The following MTMR10 variants were observed in gnomAD, a reference collection of about 807,000 sequenced individuals.
The protein encoded by MTMR10 is myotubularin related protein 10.
In MTMR10, 56 loss-of-function variants were observed where a neutral mutation model predicts 88.1. The ratio of observed to expected loss-of-function variants is 0.64; its 90% CI spans 0.51 to 0.79. MTMR10 has a LOEUF of 0.79. Ranked by LOEUF, MTMR10 falls within the 30% of genes least tolerant of loss-of-function variation. The pLI is 0.00. For synonymous variants in MTMR10, 380 were observed against 340.9 expected, an observed-to-expected ratio of 1.11 and a Z score of -1.26; for missense variants, 883 against 924.7, an observed-to-expected ratio of 0.95 and a Z score of 0.58.
At chr15:30,953,868 T>C (rs2063284790) in intron 10 of MTMR10, among the ~76,000 whole-genome samples, 1 of 152,248 alleles carries the variant, frequency 6.6e-6, no homozygotes, top group Non-Finnish European at 1.5e-5. Context: ...AGGGAAATCT[T>C]GGAGTCCAAC....
chr15:30,925,984 C>A, the MTMR10 span: 236 of 1,600,650 alleles, frequency 1.5e-4, 3 homozygotes, highest in Non-Finnish European at 4.0e-5. Context: ...CCCGGGTGGA[C>A]GAGCAGCAGC....
At chr15:30,935,965 G>C (rs947054505), downstream of MTMR10, among the ~76,000 whole-genome samples, 4 of 151,646 alleles carry the variant, frequency 2.6e-5, no homozygotes, top group African/African-American at 9.7e-5. Flanking sequence ...TTCAATCTTT[G>C]GGTTTACTGT....
downstream of MTMR10, among the ~76,000 whole-genome samples, chr15:30,936,014 T>A (rs1164991537): frequency 6.6e-6 from 1 of 152,184 alleles, no homozygotes; most frequent in East Asian, 1.9e-4. Context: ...ATTTTTTCTT[T>A]AAGTATTTTT....
chr15:30,990,985 T>C, intron 1 of MTMR10, 148 bp from the exon 2 acceptor site: 3 of 685,592 alleles, frequency 4.4e-6, no homozygotes, highest in Non-Finnish European at 4.8e-6. Flanking sequence ...TGAGCTGTTT[T>C]TAAGATCTGC....
At position 30,940,091 on chromosome 15, in the gene MTMR10, C is replaced by G; in HGVS notation, c.*1379G>C. 1.0e-6 allele frequency: 1 copy of G among 984,494 alleles called. No homozygotes were observed. Among genetic ancestry groups the G allele is most frequent in the Non-Finnish European group, 1.2e-6 (1 of 829,080 alleles). The allele number at this position is 984,494 out of a possible 1,614,324, so 61.0% of individuals were successfully genotyped here. A position where few individuals can be genotyped will look rare whatever the true frequency, so the allele number is the denominator to read the frequency against. ...GAAAAGGAAATAAGCTAACTAGACA[C>G]TTTACTATAAAAATTTTCCATATCT... is the stretch of plus-strand genomic sequence containing the variant. On this transcript the variant is annotated 3_prime_UTR_variant, in exon 16 of 16. Transcript: ENST00000435680.
the MTMR10 span, among the ~76,000 whole-genome samples, chr15:30,919,789 T>G: frequency 6.6e-6 from 1 of 152,098 alleles, no homozygotes; most frequent in Non-Finnish European, 1.5e-5. Flanking sequence ...ATCCTTGTTG[T>G]CTTTACAGCA....
At position 30,941,233 on chromosome 15, in the gene MTMR10, T is replaced by C; in HGVS notation, c.*237A>G. On this transcript the variant is annotated 3_prime_UTR_variant, in exon 16 of 16. Transcript: ENST00000435680. ...GTAGCAGACAACATGAACAGTTTGATCACGGTTACAAGAGCCAGACCTGTA... is the reference window on the plus strand; with the variant it reads ...GTAGCAGACAACATGAACAGTTTGACCACGGTTACAAGAGCCAGACCTGTA... 1 of 1,422,640 alleles carries C rather than the reference T, an allele frequency of 7.0e-7. No individual in the cohort carries two copies. The highest frequency in any genetic ancestry group is 9.3e-7 in the Non-Finnish European group (1 of 1,075,960). The allele number at this position is 1,422,640 out of a possible 1,614,324, so 88.1% of individuals were successfully genotyped here. A position where few individuals can be genotyped will look rare whatever the true frequency, so the allele number is the denominator to read the frequency against.
At chr15:30,969,898 A>G (rs1194938885) in intron 5 of MTMR10, among the ~76,000 whole-genome samples, 1 of 152,068 alleles carries the variant, frequency 6.6e-6, no homozygotes, top group Non-Finnish European at 1.5e-5. Context: ...CTCTTAGCCA[A>G]CTATGCTTTC....
chr15:30,938,016 C>G (rs1004152293), downstream of MTMR10, among the ~76,000 whole-genome samples: 2 of 151,560 alleles, frequency 1.3e-5, no homozygotes, highest in African/African-American at 4.8e-5. Flanking sequence ...AAACCCATCT[C>G]TACTAAAAAT....
chr15:30,922,190 A>AT, the MTMR10 span: 5 of 1,590,722 alleles, frequency 3.1e-6, no homozygotes, highest in Admixed American at 1.9e-5. Context: ...TTGCAGCTGG[A>AT]TTTTTTGTGA....
the MTMR10 span, among the ~76,000 whole-genome samples, chr15:30,923,991 G>A: frequency 2.6e-5 from 4 of 152,062 alleles, no homozygotes; most frequent in East Asian, 1.9e-4. Context: ...AGGCAACTAC[G>A]CCCCGCTTTC....
chr15:30,950,188 A>C (rs2063224516), intron 12 of MTMR10: 1 of 152,218 alleles, frequency 6.6e-6, no homozygotes, highest in Non-Finnish European at 1.5e-5. Flanking sequence ...CAATACGATG[A>C]GAACACCCAC....
chr15:30,979,153 A>G (rs2030375156), intron 2 of MTMR10, among the ~76,000 whole-genome samples: 1 of 152,214 alleles, frequency 6.6e-6, no homozygotes, highest in Admixed American at 6.5e-5. Flanking sequence ...ATCATCACAT[A>G]CTGTGCCACC....
the MTMR10 span, among the ~76,000 whole-genome samples, chr15:30,932,844 C>G: frequency 6.6e-6 from 1 of 150,564 alleles, no homozygotes; most frequent in Admixed American, 6.6e-5. Flanking sequence ...TCCCTAGTAG[C>G]TGGGATTACA....
At chr15:30,929,778 AT>A in the MTMR10 span, among the ~76,000 whole-genome samples, 3 of 22,744 alleles carry the variant, frequency 1.3e-4, no homozygotes, top group African/African-American at 8.8e-4. Flanking sequence ...TATATAATAT[AT>A]TATATCATAT....
rs75814343 is a variant in MTMR10 at position 30,940,417 on chromosome 15, T to C, written c.*1053A>G. 0.042 allele frequency: 41,565 copies of C among 985,374 alleles called. 1,050 individuals carry two copies. Among genetic ancestry groups the C allele is most frequent in the Admixed American group, 0.12 (2,011 of 16,272 alleles). The allele number at this position is 985,374 out of a possible 1,614,324, so 61.0% of individuals were successfully genotyped here. A position where few individuals can be genotyped will look rare whatever the true frequency, so the allele number is the denominator to read the frequency against. ...GTTTTGAGAGAATCCATTTTTTTAT[T>C]TCTCCTCTATTCCTAAGCATTAGGA... is the stretch of plus-strand genomic sequence containing the variant. On this transcript the variant is annotated 3_prime_UTR_variant, in exon 16 of 16. Coordinates refer to ENST00000435680, the MANE Select transcript of MTMR10 (RefSeq NM_017762.3).
At chr15:30,948,539 G>T in intron 12 of MTMR10, 68 bp from the exon 13 acceptor site, 1 of 1,474,922 alleles carries the variant, frequency 6.8e-7, no homozygotes, top group Non-Finnish European at 9.2e-7. Context: ...GGAAGGAAAG[G>T]TAAACTAGAT....
chr15:30,978,390 C>T (rs1480828646), intron 2 of MTMR10, among the ~76,000 whole-genome samples: 1 of 152,154 alleles, frequency 6.6e-6, no homozygotes, highest in Non-Finnish European at 1.5e-5. Flanking sequence ...GTGCTGAATG[C>T]AAGAATGAAT....
chr15:30,921,054 A>G, the MTMR10 span, among the ~76,000 whole-genome samples: 21,183 of 152,148 alleles, frequency 0.14, 1,798 homozygotes, highest in African/African-American at 0.25. Context: ...ATGCTTTGAC[A>G]GTGGGGGCCT....
Sources: allele counts gnomAD v4.1 joint callset (sites outside exome capture counted in the v4.1 genomes callset), GRCh38; gene constraint gnomAD v4.1.1; transcripts MANE v1.5; gene names NCBI Gene and HGNC (gene_info 2026-07-23, HGNC 2026-07-21).